NSF: variants seen among roughly 807,000 people sequenced by gnomAD.
The protein encoded by NSF is vesicle-fusing ATPase.
In NSF, 14 loss-of-function variants were observed where a neutral mutation model predicts 50.3. That is an observed-to-expected ratio of 0.28 (90% CI 0.18 to 0.44). The LOEUF is 0.44. Ranked by LOEUF, NSF falls within the 20% of genes least tolerant of loss-of-function variation. The probability of loss-of-function intolerance (pLI) is 1.00; values close to 1 mark genes in which losing one functional copy is unlikely to be tolerated. For missense variants in NSF, 218 were observed against 504.3 expected (o/e 0.43, Z 5.44); for synonymous variants, 109 against 175.7 (o/e 0.62, Z 3.00).
intron 17 of NSF, among the ~76,000 whole-genome samples, chr17:46,729,617 A>G (rs2058928962): frequency 1.3e-5 from 2 of 152,146 alleles, no homozygotes; most frequent in Admixed American, 6.6e-5. Context: ...CTCTTGATTG[A>G]TTCTGCATGC....
At chr17:46,744,741 G>T (rs1315021245) in intron 17 of NSF, among the ~76,000 whole-genome samples, 1 of 152,272 alleles carries the variant, frequency 6.6e-6, no homozygotes, top group South Asian at 2.1e-4. Context: ...GTGGCAAAAG[G>T]CTTAGATGCT....
Position 46,678,895 on chromosome 17 carries a change from A to T in NSF, c.945+4282A>T, listed in dbSNP as rs1205106557. On this transcript the variant is annotated intron_variant, in intron 9 of 20. Transcript: ENST00000398238. The stretch of plus-strand genomic sequence containing the variant: ...AAAATAACTGTCAACTTAGAATTTT[A>T]TATCCAGTAAATGGATGAATGATCA... Among the ~76,000 whole-genome samples the T allele has an allele frequency of 1.7e-4, 24 of 139,524 alleles. No homozygotes were observed. In the Admixed American group the frequency reaches 1.7e-3, roughly 10 times the overall value. 91.5% of individuals were successfully genotyped at this position (139,524 alleles called of 152,430 possible).
intron 1 of NSF, among the ~76,000 whole-genome samples, chr17:46,605,695 C>A (rs2057950270): frequency 1.6e-5 from 1 of 63,884 alleles, no homozygotes; most frequent in Admixed American, 1.6e-4. Context: ...AGTGGAAATT[C>A]AGATCAATTT....
At position 46,755,341 on chromosome 17, in the gene NSF, T is replaced by C; in HGVS notation, c.2185T>C (p.Phe729Leu). 2 of 1,613,828 alleles carry C rather than the reference T, an allele frequency of 1.2e-6. No individual in the cohort carries two copies. Among genetic ancestry groups the C allele is most frequent in the South Asian group, 2.2e-5 (2 of 91,074 alleles). Residue 729 changes from phenylalanine to leucine, a missense_variant, in exon 20 of 21, where the codon TTC becomes CTC. By Grantham distance (22) the Phe-to-Leu change is conservative. Transcript: ENST00000398238. The stretch of plus-strand genomic sequence containing the variant: ...GGATCCTGAATACCGTGTGAGAAAA[T>C]TCTTGGCCCTCTTAAGAGAAGAAGG... ...QMDPEYRVRK[F>L]LALLREEGAS...
chr17:46,725,025 A>C (rs1478107009), intron 15 of NSF, among the ~76,000 whole-genome samples: 1 of 152,220 alleles, frequency 6.6e-6, no homozygotes, highest in Non-Finnish European at 1.5e-5. Context: ...ATAAGGCATT[A>C]TATTAAATGA....
At chr17:46,736,302 A>G (rs960700672) in intron 17 of NSF, among the ~76,000 whole-genome samples, 1 of 152,206 alleles carries the variant, frequency 6.6e-6, no homozygotes, top group African/African-American at 2.4e-5. Flanking sequence ...GGACTGGCCC[A>G]CCTGCTTCCT....
intron 17 of NSF, among the ~76,000 whole-genome samples, chr17:46,739,649 A>T (rs1414893106): frequency 6.6e-6 from 1 of 152,102 alleles, no homozygotes; most frequent in African/African-American, 2.4e-5. Flanking sequence ...CTAAAAAAAA[A>T]AATAAATTTT....
intron 15 of NSF, among the ~76,000 whole-genome samples, chr17:46,721,407 T>C (rs2058829672): frequency 6.6e-6 from 1 of 152,224 alleles, no homozygotes; most frequent in East Asian, 1.9e-4. Flanking sequence ...TCTTCAGTTC[T>C]TCCTGTTTTT....
At position 46,726,549 on chromosome 17, in the gene NSF, A is replaced by G. The variant is rs753687735; in HGVS notation, c.1762A>G (p.Ile588Val). Residue 588 changes from isoleucine (I) to valine (V), a missense_variant and splice_region_variant, in exon 16 of 21, where the codon ATC (isoleucine) becomes GTC (valine). Physicochemically the swap from Ile to Val is conservative, Grantham distance 29. This residue lies in a region of NSF where 209 missense variants were observed against 320.9 expected (regional missense o/e 0.65). Coordinates refer to ENST00000398238, the MANE Select transcript of NSF (RefSeq NM_006178.4). ...AATAAATGACTTTGTTTTCTTTCAG[A>G]TCTTTGATGATGCGTACAAATCCCA... The part of the protein sequence containing the change: ...ETAKCQAMKK[I>V]FDDAYKSQLS... The G allele has an allele frequency of 1.9e-6, 3 of 1,613,894 alleles. No homozygotes were observed. In the South Asian group the frequency reaches 3.3e-5, roughly 18 times the overall value.
intron 14 of NSF, chr17:46,713,072 A>C (rs1384362748): frequency 6.6e-6 from 1 of 152,280 alleles, no homozygotes; most frequent in African/African-American, 2.4e-5. Context: ...GTAAATAATT[A>C]CATAGGCAAG....
Position 46,749,831 on chromosome 17 carries a change from A to C in NSF, c.1967A>C (p.Glu656Ala). 1.9e-6 allele frequency: 3 copies of C among 1,614,126 alleles called. No individual in the cohort carries two copies. Among genetic ancestry groups the C allele is most frequent in the Non-Finnish European group, 2.5e-6 (3 of 1,179,998 alleles). The change falls in exon 18 of 21, where the codon GAA becomes GCA. Residue 656 changes from glutamate to alanine, a missense_variant. By Grantham distance (107) the Glu-to-Ala change is moderately radical. Transcript: ENST00000398238. ...CGCAAAGATGTCCTTCAGGAGATGG[A>C]AATGCTTAACGCTTTCAGCACCACC... ...TSRKDVLQEM[E>A]MLNAFSTTIH...
chr17:46,708,827 T>G (rs1327355476), intron 13 of NSF, among the ~76,000 whole-genome samples: 1 of 114,770 alleles, frequency 8.7e-6, no homozygotes, highest in African/African-American at 3.4e-5. Flanking sequence ...TATATATTTT[T>G]TTTTTTTTTT....
intron 17 of NSF, among the ~76,000 whole-genome samples, chr17:46,733,102 T>G (rs975285684): frequency 6.6e-6 from 1 of 152,226 alleles, no homozygotes. Context: ...GTGAGAGGCT[T>G]GAAGACACCC....
chr17:46,713,689 G>A (rs575579397), intron 14 of NSF, among the ~76,000 whole-genome samples, 164 bp from the exon 15 acceptor site: 4 of 152,326 alleles, frequency 2.6e-5, no homozygotes, highest in African/African-American at 9.6e-5. Flanking sequence ...AAGTTTAGTT[G>A]CTAATAAATA....
intron 17 of NSF, among the ~76,000 whole-genome samples, chr17:46,732,035 T>C (rs1229737195): frequency 6.6e-6 from 1 of 152,206 alleles, no homozygotes; most frequent in Non-Finnish European, 1.5e-5. Flanking sequence ...AGCATATAGT[T>C]TTTTCAGATG....
At position 46,743,464 on chromosome 17, in the gene NSF, A is replaced by G. The variant is rs142275139; in HGVS notation, c.1909-6309A>G. Among the ~76,000 whole-genome samples the G allele has an allele frequency of 1.2e-4, 19 of 152,320 alleles. No homozygotes were observed. The East Asian group carries it at 3.7e-3, about 29-fold the overall frequency. ...TCTCATAAGTAGGTAGAATTTTCTC[A>G]TCGCATATTTATGGTTGAGGAGGAG... On this transcript the variant is annotated intron_variant, in intron 17 of 20. Coordinates refer to ENST00000398238, the MANE Select transcript of NSF (RefSeq NM_006178.4).
intron 15 of NSF, among the ~76,000 whole-genome samples, chr17:46,721,032 G>C (rs1270195692): frequency 6.6e-6 from 1 of 152,206 alleles, no homozygotes; most frequent in Non-Finnish European, 1.5e-5. Flanking sequence ...CCAGGAGTGG[G>C]CTCTGGGACT....
At chr17:46,752,983 G>C (rs147240281) in intron 19 of NSF, among the ~76,000 whole-genome samples, 54 of 152,124 alleles carry the variant, frequency 3.5e-4, no homozygotes, top group African/African-American at 1.3e-3. Flanking sequence ...TGGCCAAGCC[G>C]GTCTCGATCT....
intron 13 of NSF, among the ~76,000 whole-genome samples, chr17:46,708,126 C>T (rs1320484606): frequency 6.6e-6 from 1 of 151,806 alleles, no homozygotes; most frequent in Non-Finnish European, 1.5e-5. Flanking sequence ...CACGTTTTGG[C>T]TATTTTGAGT....
Sources: allele counts gnomAD v4.1 joint callset (sites outside exome capture counted in the v4.1 genomes callset), GRCh38; gene constraint gnomAD v4.1.1; regional missense constraint gnomAD v4.1.1; transcripts MANE v1.5; gene names NCBI Gene and HGNC (gene_info 2026-07-23, HGNC 2026-07-21).